Variants in RPS6KA2 observed in about 807,000 individuals in gnomAD.
RPS6KA2 encodes ribosomal protein S6 kinase alpha-2.
Under a neutral mutation model 91.8 loss-of-function variants are expected in RPS6KA2, and 42 were observed. The ratio of observed to expected loss-of-function variants is 0.46; its 90% CI spans 0.36 to 0.59. The LOEUF is 0.59. Ranked by LOEUF, RPS6KA2 falls within the 20% of genes least tolerant of loss-of-function variation. The pLI, the probability that RPS6KA2 is intolerant of heterozygous loss-of-function variation, is 0.00. For synonymous variants in RPS6KA2, 414 were observed against 393.6 expected (o/e 1.05, Z -0.61); for missense variants, 798 against 978.5 (o/e 0.82, Z 2.46).
intron 2 of RPS6KA2, among the ~76,000 whole-genome samples, chr6:166,810,455 TAG>T (rs1779601191): frequency 6.6e-6 from 1 of 152,094 alleles, no homozygotes; most frequent in African/African-American, 2.4e-5. Context: ...AACAGATACA[TAG>T]AGAGATGCAT....
chr6:166,569,510 G>A lies in RPS6KA2; in HGVS notation c.100-30726C>T, dbSNP rs188286343. ...TCATCGGATGCCTCTGCCCTCGCTGGGTCCCTGCTGGGGCCGCCCTGGAAA... is the reference window on the plus strand; with the variant it reads ...TCATCGGATGCCTCTGCCCTCGCTGAGTCCCTGCTGGGGCCGCCCTGGAAA... On this transcript the variant is annotated intron_variant, in intron 1 of 20. Coordinates refer to ENST00000265678, the MANE Select transcript of RPS6KA2 (RefSeq NM_021135.6). 2.0e-5 allele frequency among the ~76,000 whole-genome samples: 3 copies of A among 151,472 alleles called. No homozygotes were observed. In the East Asian group the frequency reaches 5.8e-4, roughly 29 times the overall value.
At chr6:166,546,808 A>G (rs1472772653) in intron 1 of RPS6KA2, among the ~76,000 whole-genome samples, 2 of 152,256 alleles carry the variant, frequency 1.3e-5, no homozygotes, top group Middle Eastern at 3.2e-3. Flanking sequence ...CTCTACCAGA[A>G]TAAGTTGATG....
intron 3 of RPS6KA2, among the ~76,000 whole-genome samples, chr6:166,511,386 G>A (rs1782476027): frequency 6.6e-6 from 1 of 152,206 alleles, no homozygotes; most frequent in South Asian, 2.1e-4. Context: ...CCCTCTCCAT[G>A]AAGATAACCA....
At chr6:166,516,726 G>A (rs868858894) in intron 3 of RPS6KA2, among the ~76,000 whole-genome samples, 21 of 152,292 alleles carry the variant, frequency 1.4e-4, no homozygotes, top group Non-Finnish European at 1.8e-4. Flanking sequence ...GCCCAGGCTC[G>A]GCAGGGCCCA....
Position 166,816,938 on chromosome 6 carries a change from C to G in RPS6KA2, c.123+41262G>C, listed in dbSNP as rs544827224. Among the ~76,000 whole-genome samples the G allele has an allele frequency of 6.6e-5, 10 of 152,284 alleles. No individual in the cohort carries two copies. In the East Asian group the frequency reaches 1.9e-3, roughly 29 times the overall value. On this transcript the variant is annotated intron_variant, in intron 2 of 21. Transcript: ENST00000503859. Reference sequence around the variant, plus strand: ...TGGGTTGAAACATGGAAAAAATCACCAAGGCCTCTCACTCCGAGTCCACGC... The same window carrying G: ...TGGGTTGAAACATGGAAAAAATCACGAAGGCCTCTCACTCCGAGTCCACGC...
At chr6:166,683,927 C>G (rs1788921309) in intron 2 of RPS6KA2, among the ~76,000 whole-genome samples, 1 of 152,210 alleles carries the variant, frequency 6.6e-6, no homozygotes, top group Non-Finnish European at 1.5e-5. Flanking sequence ...CGGCACCTCC[C>G]CTTCCCTTCT....
chr6:166,851,900 T>C (rs1172957474), intron 2 of RPS6KA2, among the ~76,000 whole-genome samples: 2 of 152,252 alleles, frequency 1.3e-5, no homozygotes, highest in African/African-American at 4.8e-5. Context: ...TTGTCTTTTG[T>C]GGATTCTTGC....
rs530472488 is a variant in RPS6KA2, at chr6:166,438,939, A to T, written c.1333-6449T>A. Reference sequence around the variant, plus strand: ...ATTAAAAAAAAAAAATTCTCAATGAATGAAAAAAGTAACCAGCTTCCTGAA... The same window carrying T: ...ATTAAAAAAAAAAAATTCTCAATGATTGAAAAAAGTAACCAGCTTCCTGAA... On this transcript the variant is annotated intron_variant, in intron 14 of 20. Coordinates refer to ENST00000265678, the MANE Select transcript of RPS6KA2 (RefSeq NM_021135.6). 1.5e-3 allele frequency among the ~76,000 whole-genome samples: 222 copies of T among 152,350 alleles called. 2 individuals carry two copies. Among genetic ancestry groups the T allele is most frequent in the African/African-American group, 5.0e-3 (207 of 41,586 alleles).
chr6:166,783,394 C>T (rs562720665), intron 2 of RPS6KA2, among the ~76,000 whole-genome samples: 1 of 152,214 alleles, frequency 6.6e-6, no homozygotes, highest in East Asian at 1.9e-4. Context: ...GAGACTAGAA[C>T]ATCTACTCCC....
intron 2 of RPS6KA2, among the ~76,000 whole-genome samples, chr6:166,787,431 A>G (rs1778962178): frequency 6.6e-6 from 1 of 152,198 alleles, no homozygotes; most frequent in Admixed American, 6.5e-5. Context: ...ATATAGAAAC[A>G]TATCTAGATA....
chr6:166,510,487 A>G, intron 3 of RPS6KA2, 130 bp from the exon 4 acceptor site: 1 of 466,050 alleles, frequency 2.1e-6, no homozygotes, highest in Non-Finnish European at 3.8e-6. Flanking sequence ...ACAAAACTTG[A>G]AAAAGTTGTA....
intron 1 of RPS6KA2, among the ~76,000 whole-genome samples, chr6:166,619,068 G>A (rs981263985): frequency 3.3e-5 from 5 of 149,870 alleles, no homozygotes; most frequent in South Asian, 2.1e-4. Context: ...ATTCGCGCAC[G>A]AGCCCTGTGC....
intron 1 of RPS6KA2, among the ~76,000 whole-genome samples, chr6:166,601,864 T>C (rs925686509): frequency 3.3e-5 from 5 of 152,028 alleles, no homozygotes; most frequent in Admixed American, 3.3e-4. Flanking sequence ...AGAAAGCATA[T>C]AATGTAAAGA....
intron 2 of RPS6KA2, among the ~76,000 whole-genome samples, chr6:166,777,450 C>G (rs1364033216): frequency 6.6e-6 from 1 of 152,156 alleles, no homozygotes; most frequent in East Asian, 1.9e-4. Flanking sequence ...GAAGTGGCCT[C>G]CGAGTGCACG....
intron 1 of RPS6KA2, among the ~76,000 whole-genome samples, chr6:166,859,709 G>T (rs1487543416): frequency 6.6e-6 from 1 of 152,182 alleles, no homozygotes; most frequent in Non-Finnish European, 1.5e-5. Context: ...CTCAGACCCA[G>T]TTCAGTTCGG....
intron 1 of RPS6KA2, among the ~76,000 whole-genome samples, chr6:166,543,282 G>C (rs1783717989): frequency 6.6e-6 from 1 of 152,222 alleles, no homozygotes; most frequent in Admixed American, 6.5e-5. Flanking sequence ...TGTCCTGGAG[G>C]TTCTGAACGT....
In RPS6KA2 at chr6:166,488,840, G is replaced by A; in HGVS notation, c.900C>T (p.Asn300=). The change falls in exon 10 of 21, where the codon AAC becomes AAT. Residue 300 remains asparagine, a synonymous_variant. Transcript: ENST00000265678. ...TGTCCCGGGGAATCTTACCCAGCCGGTTGCAGGGGTTCCGTTTGAAGAGAG... is the reference window on the plus strand; with the variant it reads ...TGTCCCGGGGAATCTTACCCAGCCGATTGCAGGGGTTCCGTTTGAAGAGAG... ...LRALFKRNPC[N]RLGAGIDGVE... is the part of the protein sequence containing the mutation. The A allele has an allele frequency of 6.2e-7, 1 of 1,612,270 alleles. No individual in the cohort carries two copies. The highest frequency in any genetic ancestry group is 8.5e-7 in the Non-Finnish European group (1 of 1,179,200).
At chr6:166,464,587 C>T (rs911560238) in intron 11 of RPS6KA2, among the ~76,000 whole-genome samples, 1 of 152,172 alleles carries the variant, frequency 6.6e-6, no homozygotes, top group Non-Finnish European at 1.5e-5. Flanking sequence ...GCAAGGGACG[C>T]CAGGCTGGGC....
intron 2 of RPS6KA2, among the ~76,000 whole-genome samples, chr6:166,713,675 T>C (rs1562397137): frequency 6.6e-6 from 1 of 152,244 alleles, no homozygotes; most frequent in Non-Finnish European, 1.5e-5. Flanking sequence ...AAACCATTCC[T>C]GCCTAATGCA....
Sources: allele counts gnomAD v4.1 joint callset (sites outside exome capture counted in the v4.1 genomes callset), GRCh38; gene constraint gnomAD v4.1.1; transcripts MANE v1.5; gene names NCBI Gene and HGNC (gene_info 2026-07-23, HGNC 2026-07-21).